Variants in PPP4R3B observed in about 807,000 individuals in gnomAD.
PPP4R3B encodes serine/threonine-protein phosphatase 4 regulatory subunit 3B.
In PPP4R3B, 52 loss-of-function variants were observed where a neutral mutation model predicts 95.4. The ratio of observed to expected loss-of-function variants is 0.54; its 90% confidence interval spans 0.44 to 0.69. The LOEUF is 0.69. Among genes scored for constraint, PPP4R3B ranks in the 30% least tolerant of loss-of-function variants. PPP4R3B has a pLI of 0.00. For synonymous variants in PPP4R3B, 407 were observed against 343.9 expected (o/e 1.18, Z -2.03); for missense variants, 1,003 against 1,005.9 (o/e 1.00, Z 0.04).
Position 55,577,311 on chromosome 2 carries a change from T to C in PPP4R3B, c.1606+4A>G. 6.4e-7 allele frequency: 1 copy of C among 1,552,058 alleles called. No individual in the cohort carries two copies. The highest frequency in any genetic ancestry group is 8.7e-7 in the Non-Finnish European group (1 of 1,155,432). On this transcript the variant is annotated splice_donor_region_variant and intron_variant, in intron 11 of 16. Coordinates refer to ENST00000616407, the MANE Select transcript of PPP4R3B (RefSeq NM_001122964.3). ...GTATTCATAAAGTATGAATTCATAC[T>C]TACCGGGACAAATTGTGTTGTTTTT...
chr2:55,591,413 G>A, intron 4 of PPP4R3B: 1 of 535,526 alleles, frequency 1.9e-6, no homozygotes, highest in Non-Finnish European at 2.4e-6. Context: ...AAAGTGCTAG[G>A]ACTACAGGCA....
intron 7 of PPP4R3B, among the ~76,000 whole-genome samples, chr2:55,584,239 T>A (rs529382725): frequency 1.1e-4 from 17 of 152,336 alleles, no homozygotes; most frequent in Admixed American, 4.6e-4. Context: ...TACTTTTAAT[T>A]ATAGCTCTCT....
chr2:55,598,409 T>C lies in PPP4R3B; in HGVS notation c.921+7A>G, dbSNP rs1253341409. On this transcript the variant is annotated splice_region_variant and intron_variant, in intron 4 of 16. Transcript: ENST00000616407. The stretch of plus-strand genomic sequence containing the variant: ...AATGGAATCGTGAAGAGTATCTTTT[T>C]ACTTACCTGCAACATGCTGACTATC... 1 of 1,610,828 alleles carries C rather than the reference T, an allele frequency of 6.2e-7. No individual in the cohort carries two copies. Among genetic ancestry groups the C allele is most frequent in the Admixed American group, 1.7e-5 (1 of 59,332 alleles).
At chr2:55,581,233 C>T (rs1208521159) in intron 8 of PPP4R3B, among the ~76,000 whole-genome samples, 1 of 152,070 alleles carries the variant, frequency 6.6e-6, no homozygotes, top group Non-Finnish European at 1.5e-5. Context: ...AGCCTGGTGA[C>T]AGAGCAAGAC....
intron 12 of PPP4R3B, among the ~76,000 whole-genome samples, chr2:55,572,751 T>G (rs1346067654): frequency 6.6e-6 from 1 of 152,204 alleles, no homozygotes; most frequent in Non-Finnish European, 1.5e-5. Flanking sequence ...AAGATTTATG[T>G]ACTAGACTAT....
chr2:55,548,339 A>T lies in PPP4R3B; in HGVS notation c.*1572T>A, dbSNP rs932949638. ...AATTGACATATCTCAAAATGGAGTT[A>T]ATTTATATTTACAACAAACCAAACA... On this transcript the variant is annotated 3_prime_UTR_variant, in exon 17 of 17. Transcript: ENST00000616407. 6.6e-6 allele frequency: 1 copy of T among 152,654 alleles called. No homozygotes were observed. Among genetic ancestry groups the T allele is most frequent in the Admixed American group, 6.5e-5 (1 of 15,280 alleles). 9.5% of individuals were successfully genotyped at this position (152,654 alleles called of 1,614,324 possible). A position where few individuals can be genotyped will look rare whatever the true frequency, so the allele number is the denominator to read the frequency against.
chr2:55,597,992 C>T (rs1572689442), intron 4 of PPP4R3B, among the ~76,000 whole-genome samples: 3 of 151,714 alleles, frequency 2.0e-5, no homozygotes, highest in South Asian at 2.1e-4. Flanking sequence ...CTGAGGCGGG[C>T]GGACTGCCTG....
intron 2 of PPP4R3B, among the ~76,000 whole-genome samples, chr2:55,611,643 T>G (rs1450930549): frequency 1.3e-5 from 2 of 152,232 alleles, no homozygotes; most frequent in African/African-American, 2.4e-5. Flanking sequence ...AAAGAAAAGA[T>G]GTATCTTGAG....
At chr2:55,563,654 G>A (rs566440735) in intron 15 of PPP4R3B, among the ~76,000 whole-genome samples, 22 of 152,248 alleles carry the variant, frequency 1.4e-4, no homozygotes, top group African/African-American at 4.1e-4. Flanking sequence ...GATTACAGAC[G>A]TGAGCCGCCA....
At chr2:55,562,005 C>A (rs1429980845) in intron 15 of PPP4R3B, among the ~76,000 whole-genome samples, 1 of 152,132 alleles carries the variant, frequency 6.6e-6, no homozygotes, top group Non-Finnish European at 1.5e-5. Context: ...CTTGTCCCCA[C>A]CCAAATCTCA....
chr2:55,579,627 C>G (rs1422585077), intron 9 of PPP4R3B, 52 bp downstream of exon 9: 38 of 1,285,362 alleles, frequency 3.0e-5, no homozygotes, highest in Non-Finnish European at 3.6e-5. Context: ...TAATATTTAT[C>G]TCATCCTTCT....
At chr2:55,588,439 G>T (rs1376759906) in intron 5 of PPP4R3B, among the ~76,000 whole-genome samples, 1 of 151,596 alleles carries the variant, frequency 6.6e-6, no homozygotes. Context: ...CTTGAACCTG[G>T]GAGGCAGAGG....
rs201111563 is a variant in PPP4R3B, at chr2:55,579,790, T to G, written c.1366-9A>C. On this transcript the variant is annotated splice_polypyrimidine_tract_variant and intron_variant, in intron 8 of 16. Coordinates refer to ENST00000616407, the MANE Select transcript of PPP4R3B (RefSeq NM_001122964.3). ...TCACTTTTTTCGGTTTTCTGAAACA[T>G]AGAATTTTTTAAACAATACTGTTAC... 1 of 966,588 alleles carries G rather than the reference T, an allele frequency of 1.0e-6. No individual in the cohort carries two copies. The highest frequency in any genetic ancestry group is 1.4e-6 in the Non-Finnish European group (1 of 723,768). 59.9% of individuals were successfully genotyped at this position (966,588 alleles called of 1,614,324 possible).
chr2:55,551,897 A>G (rs953845083), intron 16 of PPP4R3B, among the ~76,000 whole-genome samples: 4 of 152,242 alleles, frequency 2.6e-5, no homozygotes, highest in African/African-American at 4.8e-5. Context: ...TAAGCCAAAC[A>G]AATTGGAAGA....
intron 16 of PPP4R3B, among the ~76,000 whole-genome samples, chr2:55,554,197 T>G (rs957411687): frequency 3.3e-5 from 5 of 152,216 alleles, no homozygotes; most frequent in African/African-American, 1.2e-4. Context: ...CCCGAATAGC[T>G]GGGACCACAG....
chr2:55,597,311 A>AC (rs755737147), intron 4 of PPP4R3B, among the ~76,000 whole-genome samples: 253 of 150,682 alleles, frequency 1.7e-3, no homozygotes, highest in Non-Finnish European at 2.8e-3. Context: ...ACATGGAGAA[A>AC]CCCCCCTCTA....
At chr2:55,602,732 A>G (rs1026829554) in intron 3 of PPP4R3B, among the ~76,000 whole-genome samples, 1 of 152,206 alleles carries the variant, frequency 6.6e-6, no homozygotes, top group Non-Finnish European at 1.5e-5. Context: ...TGGAAGCTCA[A>G]GCCTGAAACT....
chr2:55,614,542 C>G (rs1488108541), intron 2 of PPP4R3B: 1 of 152,094 alleles, frequency 6.6e-6, no homozygotes, highest in African/African-American at 2.4e-5. Flanking sequence ...ACACAACAGA[C>G]TACATATTAT....
chr2:55,557,066 A>ACGATG (rs1558939393), intron 16 of PPP4R3B, among the ~76,000 whole-genome samples: 36 of 151,572 alleles, frequency 2.4e-4, no homozygotes, highest in African/African-American at 8.3e-4. Flanking sequence ...CTGTAACAAC[A>ACGATG]ACGACGACGA....
Sources: allele counts gnomAD v4.1 joint callset (sites outside exome capture counted in the v4.1 genomes callset), GRCh38; gene constraint gnomAD v4.1.1; transcripts MANE v1.5; gene names NCBI Gene and HGNC (gene_info 2026-07-23, HGNC 2026-07-21).